The following PTPRN2 variants were observed in gnomAD, a reference collection of about 807,000 sequenced individuals.
The protein encoded by PTPRN2 is receptor-type tyrosine-protein phosphatase N2.
PTPRN2 carries 74 observed loss-of-function variants against 118.8 expected under a neutral mutation model. The ratio of observed to expected loss-of-function variants is 0.62; its 90% CI spans 0.52 to 0.76. The LOEUF is 0.76. Ranked by LOEUF, PTPRN2 falls within the 30% of genes least tolerant of loss-of-function variation. The pLI is 0.00. For synonymous variants in PTPRN2, 641 were observed against 608.0 expected (o/e 1.05, Z -0.80); for missense variants, 1,481 against 1,394.4 (o/e 1.06, Z -0.99).
chr7:157,814,342 C>T lies in PTPRN2; in HGVS notation c.1788+84331G>A, dbSNP rs903889494. On this transcript the variant is annotated intron_variant, in intron 12 of 22. Transcript: ENST00000389418. ...CCGGAGAAGGCCACGTCCACGGTGCCGCCTGACAGCAATGGCTTCCTCAGC... is the reference window on the plus strand; with the variant it reads ...CCGGAGAAGGCCACGTCCACGGTGCTGCCTGACAGCAATGGCTTCCTCAGC... Among the ~76,000 whole-genome samples the T allele has an allele frequency of 2.6e-5, 4 of 152,048 alleles. No individual in the cohort carries two copies. In the South Asian group the frequency reaches 6.3e-4, roughly 24 times the overall value.
At chr7:157,915,724 C>G (rs1460796122) in intron 11 of PTPRN2, among the ~76,000 whole-genome samples, 1 of 152,184 alleles carries the variant, frequency 6.6e-6, no homozygotes, top group Non-Finnish European at 1.5e-5. Context: ...AGAATAAAGG[C>G]CAACATCAGT....
chr7:158,406,500 C>T (rs1479127193), intron 2 of PTPRN2, among the ~76,000 whole-genome samples: 2 of 152,256 alleles, frequency 1.3e-5, no homozygotes, highest in East Asian at 1.9e-4. Context: ...ACTGAGATCC[C>T]GCAGTGGTGC....
chr7:157,540,709 G>A lies in PTPRN2; in HGVS notation c.*5C>T. 1 of 1,554,884 alleles carries A rather than the reference G, an allele frequency of 6.4e-7. No individual in the cohort carries two copies. Among genetic ancestry groups the A allele is most frequent in the Non-Finnish European group, 8.7e-7 (1 of 1,147,292 alleles). On this transcript the variant is annotated 3_prime_UTR_variant, in exon 23 of 23. Transcript: ENST00000389418. Reference sequence around the variant, plus strand: ...GGGCTCCCCTGAGGCCCCTGAGGCTGCCGCTCACTGGGGAAGGGCCTTGAG... The same window carrying A: ...GGGCTCCCCTGAGGCCCCTGAGGCTACCGCTCACTGGGGAAGGGCCTTGAG...
intron 10 of PTPRN2, among the ~76,000 whole-genome samples, chr7:158,107,855 C>T (rs1260521950): frequency 1.3e-5 from 2 of 151,666 alleles, no homozygotes; most frequent in African/African-American, 2.4e-5. Flanking sequence ...CACCTGCCCC[C>T]TCTCACACAT....
chr7:158,477,840 C>G (rs1024284114), intron 2 of PTPRN2, among the ~76,000 whole-genome samples: 2 of 152,210 alleles, frequency 1.3e-5, no homozygotes, highest in African/African-American at 2.4e-5. Context: ...CAACTGAAAG[C>G]TCAGCCAAGC....
At chr7:158,235,043 T>C (rs961116655) in intron 3 of PTPRN2, among the ~76,000 whole-genome samples, 3 of 152,214 alleles carry the variant, frequency 2.0e-5, no homozygotes, top group Admixed American at 6.5e-5. Flanking sequence ...ATTACAGGCA[T>C]GAGCCACCGG....
intron 2 of PTPRN2, among the ~76,000 whole-genome samples, chr7:158,459,479 C>T (rs1586725548): frequency 6.6e-6 from 1 of 152,268 alleles, no homozygotes; most frequent in Non-Finnish European, 1.5e-5. Context: ...AAAAGGACGT[C>T]GGCTCTGCAC....
At chr7:157,743,656 G>A (rs2150966524) in intron 12 of PTPRN2, among the ~76,000 whole-genome samples, 1 of 152,196 alleles carries the variant, frequency 6.6e-6, no homozygotes, top group Admixed American at 6.5e-5. Context: ...GGCTGAGTTA[G>A]GTTCCTGGCA....
At chr7:157,790,540 A>T (rs1804421962) in intron 12 of PTPRN2, among the ~76,000 whole-genome samples, 1 of 152,160 alleles carries the variant, frequency 6.6e-6, no homozygotes, top group East Asian at 1.9e-4. Flanking sequence ...CCTGGAGTGT[A>T]TGACGAAGGG....
Position 157,775,587 on chromosome 7 carries a change from CG to C in PTPRN2, c.1789-92651del, listed in dbSNP as rs150862911. On this transcript the variant is annotated intron_variant, in intron 12 of 22. Coordinates refer to ENST00000389418, the MANE Select transcript of PTPRN2 (RefSeq NM_002847.5). Reference sequence around the variant, plus strand: ...AGCAGCGCTGGGAAGGCTTCGTCCTCGGGAGCCGGCGCTCACATGCAGGGAG... The same window carrying C: ...AGCAGCGCTGGGAAGGCTTCGTCCTCGGAGCCGGCGCTCACATGCAGGGAG... Among the ~76,000 whole-genome samples, 594 of 152,328 alleles carry C rather than the reference CG, an allele frequency of 3.9e-3. 20 individuals carry two copies. The East Asian group carries it at 0.055, about 14-fold the overall frequency.
chr7:158,267,039 T>C (rs1208369370), intron 3 of PTPRN2, among the ~76,000 whole-genome samples: 3 of 152,204 alleles, frequency 2.0e-5, no homozygotes, highest in Non-Finnish European at 4.4e-5. Context: ...AGGTGCCTCA[T>C]CTGCAGCGTC....
At chr7:158,484,300 C>T (rs543803351) in intron 2 of PTPRN2, among the ~76,000 whole-genome samples, 1 of 152,314 alleles carries the variant, frequency 6.6e-6, no homozygotes, top group South Asian at 2.1e-4. Flanking sequence ...CAGCCCTACA[C>T]GGCCACAACC....
intron 5 of PTPRN2, among the ~76,000 whole-genome samples, chr7:158,168,597 T>C (rs958403584): frequency 1.3e-5 from 2 of 152,240 alleles, no homozygotes; most frequent in Admixed American, 1.3e-4. Flanking sequence ...CTGAAACATG[T>C]TTGCTGCCTG....
chr7:158,479,719 G>A (rs1035114065), intron 2 of PTPRN2, among the ~76,000 whole-genome samples: 1 of 152,216 alleles, frequency 6.6e-6, no homozygotes, highest in African/African-American at 2.4e-5. Context: ...GCCACATGGC[G>A]GAGAGACCAG....
At chr7:157,668,006 T>A (rs183246589) in intron 13 of PTPRN2, among the ~76,000 whole-genome samples, 43 of 152,226 alleles carry the variant, frequency 2.8e-4, no homozygotes, top group African/African-American at 1.0e-3. Flanking sequence ...CCTGAAAGCT[T>A]CCCGTGCTCT....
At chr7:157,776,392 CCTCCA>C (rs1803253780) in intron 12 of PTPRN2, among the ~76,000 whole-genome samples, 1 of 103,972 alleles carries the variant, frequency 9.6e-6, no homozygotes, top group Admixed American at 9.7e-5. Flanking sequence ...CTCTCCTCCT[CCTCCA>C]TCTCCTCCTC....
chr7:158,256,650 G>A (rs1298932880), intron 3 of PTPRN2, among the ~76,000 whole-genome samples: 2 of 152,088 alleles, frequency 1.3e-5, no homozygotes, highest in Non-Finnish European at 2.9e-5. Context: ...GACTCAAGCA[G>A]CTGGGCGCCC....
In PTPRN2 at chr7:158,093,893, C is replaced by T. The variant is rs1814415675; in HGVS notation, c.1644-12516G>A. Among the ~76,000 whole-genome samples the T allele has an allele frequency of 6.6e-6, 1 of 152,208 alleles. No individual in the cohort carries two copies. Among genetic ancestry groups the T allele is most frequent in the South Asian group, 2.1e-4 (1 of 4,826 alleles). ...ACACAGTTATTGCAAGATAATTTAA[C>T]ATCATGCAAGCCTTAATGAAAACAT... On this transcript the variant is annotated intron_variant, in intron 10 of 22. Coordinates refer to ENST00000389418, the MANE Select transcript of PTPRN2 (RefSeq NM_002847.5). The surrounding 1 kb of genome is among the most constrained non-coding windows in gnomAD (Gnocchi z 4.4).
chr7:157,968,568 G>A lies in PTPRN2; in HGVS notation c.1724-69831C>T, dbSNP rs183962838. On this transcript the variant is annotated intron_variant, in intron 11 of 22. Coordinates refer to ENST00000389418, the MANE Select transcript of PTPRN2 (RefSeq NM_002847.5). ...CTAACAAGGCTCGAACGCTGGAGCCGCATGTCTGCGACCACTCAGCAGGTG... is the reference window on the plus strand; with the variant it reads ...CTAACAAGGCTCGAACGCTGGAGCCACATGTCTGCGACCACTCAGCAGGTG... 3.8e-3 allele frequency among the ~76,000 whole-genome samples: 576 copies of A among 152,304 alleles called. 6 individuals are homozygous for A. Among genetic ancestry groups the A allele is most frequent in the African/African-American group, 0.013 (551 of 41,568 alleles).
Sources: allele counts gnomAD v4.1 joint callset (sites outside exome capture counted in the v4.1 genomes callset), GRCh38; gene constraint gnomAD v4.1.1; non-coding constraint Gnocchi (gnomAD v3.1); transcripts MANE v1.5; gene names NCBI Gene and HGNC (gene_info 2026-07-23, HGNC 2026-07-21).